FHOD3: variants seen among roughly 807,000 people sequenced by gnomAD.
The protein encoded by FHOD3 is formin homology 2 domain containing 3, also known as FH1/FH2 domain-containing protein 3.
In FHOD3, 90 loss-of-function variants were observed where a neutral mutation model predicts 173.0. The observed-to-expected ratio is 0.52, with a 90% confidence interval of 0.44 to 0.62. FHOD3 has a LOEUF of 0.62. FHOD3 is among the 20% of genes least tolerant of loss of function. The pLI, the probability that FHOD3 is intolerant of heterozygous loss-of-function variation, is 0.00. For missense variants in FHOD3, 1,945 were observed against 2,034.7 expected (o/e 0.96, Z 0.85); for synonymous variants, 828 against 823.0 (o/e 1.01, Z -0.10).
rs769841451 is a variant in FHOD3 at position 36,625,493 on chromosome 18, C to T, written c.958-18C>T. On this transcript the variant is annotated intron_variant, in intron 9 of 28. Coordinates refer to ENST00000590592, the MANE Select transcript of FHOD3 (RefSeq NM_001281740.3). Reference sequence around the variant, plus strand: ...ATGCCAAGCCTGACCTTGCACTGGGCGTGCTCTGCTTTTCCAGGTGGCGCT... The same window carrying T: ...ATGCCAAGCCTGACCTTGCACTGGGTGTGCTCTGCTTTTCCAGGTGGCGCT... 2.3e-5 allele frequency: 33 copies of T among 1,404,802 alleles called. No individual in the cohort carries two copies. The highest frequency in any genetic ancestry group is 3.0e-5 in the Non-Finnish European group (32 of 1,064,466). The allele number at this position is 1,404,802 out of a possible 1,614,324, so 87.0% of individuals were successfully genotyped here.
chr18:36,562,007 T>TATTGC (rs1476686087), intron 5 of FHOD3, among the ~76,000 whole-genome samples: 32 of 151,788 alleles, frequency 2.1e-4, no homozygotes, highest in African/African-American at 7.7e-4. Flanking sequence ...TATTGTATTG[T>TATTGC]ATTGTATTGT....
At chr18:36,549,023 T>A (rs1345450980) in intron 5 of FHOD3, among the ~76,000 whole-genome samples, 1 of 152,270 alleles carries the variant, frequency 6.6e-6, no homozygotes, top group Non-Finnish European at 1.5e-5. Flanking sequence ...GGAGTTGTAC[T>A]ATTTCATATC....
chr18:36,501,530 T>C (rs1252230812), intron 3 of FHOD3, among the ~76,000 whole-genome samples: 3 of 152,192 alleles, frequency 2.0e-5, no homozygotes, highest in Non-Finnish European at 4.4e-5. Flanking sequence ...TGGGTATAGT[T>C]GGCCATCAAG....
intron 10 of FHOD3, among the ~76,000 whole-genome samples, chr18:36,626,816 C>T (rs2034145440): frequency 6.6e-6 from 1 of 152,128 alleles, no homozygotes; most frequent in African/African-American, 2.4e-5. Flanking sequence ...TCCCTCCTCT[C>T]CATCTCTAAG....
At chr18:36,758,723 C>T (rs1332495006) in intron 25 of FHOD3, among the ~76,000 whole-genome samples, 2 of 152,286 alleles carry the variant, frequency 1.3e-5, no homozygotes, top group African/African-American at 4.8e-5. Flanking sequence ...ACTGTCAGGC[C>T]GTGATGGGTT....
chr18:36,698,999 G>A (rs1347924742), intron 17 of FHOD3, among the ~76,000 whole-genome samples: 1 of 152,124 alleles, frequency 6.6e-6, no homozygotes, highest in East Asian at 1.9e-4. Context: ...CTTTATTACA[G>A]TGGGCAATAA....
chr18:36,439,521 ATGTGTGTGTGTGTGTGTGTGTGTGTG>A (rs33931333), intron 3 of FHOD3, among the ~76,000 whole-genome samples: 2 of 144,730 alleles, frequency 1.4e-5, no homozygotes. Flanking sequence ...AACCAATAGA[ATGTGTGTGTGTGTGTGTGTGTGTGTG>A]TGTGTGTGTG....
intron 3 of FHOD3, among the ~76,000 whole-genome samples, chr18:36,394,519 A>C (rs952248331): frequency 6.6e-6 from 1 of 152,172 alleles, no homozygotes; most frequent in Admixed American, 6.5e-5. Context: ...TAGGATTTTT[A>C]CTGTGAACTT....
At chr18:36,528,277 T>C (rs2056620136) in intron 5 of FHOD3, among the ~76,000 whole-genome samples, 2 of 152,206 alleles carry the variant, frequency 1.3e-5, no homozygotes, top group African/African-American at 4.8e-5. Context: ...AGAGGCTGTC[T>C]GTGCATGTGT....
intron 16 of FHOD3, among the ~76,000 whole-genome samples, chr18:36,687,918 A>G (rs2038730648): frequency 6.6e-6 from 1 of 152,248 alleles, no homozygotes. Context: ...ATATTTGTAT[A>G]CAATTTTGTA....
chr18:36,769,577 G>T, intron 28 of FHOD3, 151 bp downstream of exon 28: 1 of 1,117,198 alleles, frequency 9.0e-7, no homozygotes. Context: ...AAGTTTCAGG[G>T]TTGGCTGTTG....
chr18:36,553,172 C>G (rs1262158274), intron 5 of FHOD3, among the ~76,000 whole-genome samples: 2 of 152,202 alleles, frequency 1.3e-5, no homozygotes, highest in South Asian at 4.1e-4. Flanking sequence ...ATGAAGCCCA[C>G]TTGATCATGG....
At position 36,678,960 on chromosome 18, in the gene FHOD3, C is replaced by A. The variant is rs114561709; in HGVS notation, c.1836-2476C>A. On this transcript the variant is annotated intron_variant, in intron 14 of 28. Transcript: ENST00000590592. ...AATGGGTTGTGGGAGATTTTTTCTT[C>A]TTTATGTTGTCTGAAACTTTCCATA... is the stretch of plus-strand genomic sequence containing the variant. 2.0e-3 allele frequency among the ~76,000 whole-genome samples: 304 copies of A among 151,902 alleles called. 2 individuals carry two copies. The highest frequency in any genetic ancestry group is 7.1e-3 in the African/African-American group (293 of 41,428).
At chr18:36,571,059 G>T (rs2058434569) in intron 5 of FHOD3, among the ~76,000 whole-genome samples, 1 of 152,070 alleles carries the variant, frequency 6.6e-6, no homozygotes, top group African/African-American at 2.4e-5. Flanking sequence ...TGGGAAGGAA[G>T]AAATAAAATT....
intron 3 of FHOD3, among the ~76,000 whole-genome samples, chr18:36,444,487 A>T (rs2051348122): frequency 6.6e-6 from 1 of 152,132 alleles, no homozygotes; most frequent in Non-Finnish European, 1.5e-5. Flanking sequence ...CAGACCAGAG[A>T]AGTGTGAATT....
chr18:36,641,677 A>G (rs2035315819), intron 10 of FHOD3, among the ~76,000 whole-genome samples: 1 of 152,142 alleles, frequency 6.6e-6, no homozygotes, highest in Non-Finnish European at 1.5e-5. Context: ...TTTGTTAAGC[A>G]GGGCACGGTG....
Position 36,636,168 on chromosome 18 carries a change from T to C in FHOD3, c.1196+10419T>C, listed in dbSNP as rs190992840. On this transcript the variant is annotated intron_variant, in intron 10 of 28. Coordinates refer to ENST00000590592, the MANE Select transcript of FHOD3 (RefSeq NM_001281740.3). Reference sequence around the variant, plus strand: ...TGCACCTTCTCCTCTGTGTTCTGAATGTTCACAGCACTTTCTAAGGCTCGA... The same window carrying C: ...TGCACCTTCTCCTCTGTGTTCTGAACGTTCACAGCACTTTCTAAGGCTCGA... Among the ~76,000 whole-genome samples, 35 of 152,330 alleles carry C rather than the reference T, an allele frequency of 2.3e-4. No individual in the cohort carries two copies. In the East Asian group the frequency reaches 3.1e-3, roughly 13 times the overall value.
chr18:36,745,872 A>AC, intron 23 of FHOD3, among the ~76,000 whole-genome samples: 2 of 150,666 alleles, frequency 1.3e-5, no homozygotes, highest in South Asian at 4.2e-4. Context: ...CTCGTGCTCA[A>AC]CCCCGCGCAC....
At chr18:36,628,269 C>T (rs1272161602) in intron 10 of FHOD3, among the ~76,000 whole-genome samples, 1 of 152,134 alleles carries the variant, frequency 6.6e-6, no homozygotes, top group African/African-American at 2.4e-5. Context: ...AATCACAGGA[C>T]TAAGGGCTAT....
Sources: gnomAD v4.1 joint callset for allele counts (sites outside exome capture counted in the v4.1 genomes callset) on GRCh38, gnomAD v4.1.1 for gene constraint, MANE v1.5 for transcripts, NCBI Gene and HGNC (gene_info 2026-07-23, HGNC 2026-07-21) for gene names.